ZNF407: variants seen among roughly 807,000 people sequenced by gnomAD.
ZNF407 encodes the protein zinc finger protein 407.
In ZNF407, 17 loss-of-function variants were observed where a neutral mutation model predicts 131.2. The observed-to-expected ratio is 0.13, with a 90% CI of 0.09 to 0.19. ZNF407 has a LOEUF of 0.19. Among genes scored for constraint, ZNF407 ranks in the 10% least tolerant of loss-of-function variants. The probability of loss-of-function intolerance (pLI) is 1.00; values close to 1 mark genes in which losing one functional copy is unlikely to be tolerated. For missense variants in ZNF407, 2,681 were observed against 2,830.6 expected (o/e 0.95, Z 1.20); for synonymous variants, 1,156 against 1,062.0 (o/e 1.09, Z -1.72).
At chr18:74,647,395 G>C (rs1985020388) in intron 3 of ZNF407, among the ~76,000 whole-genome samples, 1 of 152,150 alleles carries the variant, frequency 6.6e-6, no homozygotes, top group Non-Finnish European at 1.5e-5. Context: ...AGTGAGCTAT[G>C]ATGGTGCCAC....
chr18:74,712,094 A>G (rs1388937510), intron 3 of ZNF407, among the ~76,000 whole-genome samples: 5 of 152,096 alleles, frequency 3.3e-5, no homozygotes, highest in African/African-American at 9.7e-5. Flanking sequence ...CGTGTGTCAT[A>G]TATGTGTCTG....
At chr18:74,608,667 T>C (rs1009588553) in intron 1 of ZNF407, among the ~76,000 whole-genome samples, 1 of 152,168 alleles carries the variant, frequency 6.6e-6, no homozygotes, top group African/African-American at 2.4e-5. Context: ...GATTGCTTTG[T>C]CTTTCATGAC....
chr18:74,600,853 T>G (rs984082183), intron 1 of ZNF407, among the ~76,000 whole-genome samples: 3 of 152,198 alleles, frequency 2.0e-5, no homozygotes, highest in Non-Finnish European at 2.9e-5. Context: ...TGAAGAAATG[T>G]AGGCAGCATA....
Position 74,771,965 on chromosome 18 carries a change from C to A in ZNF407, c.4803-9463C>A, listed in dbSNP as rs377346158. Among the ~76,000 whole-genome samples the A allele has an allele frequency of 1.0e-3, 155 of 152,218 alleles. 5 individuals are homozygous for A. The South Asian group carries it at 0.031, about 30-fold the overall frequency. ...GTAATGTAGTGGTTTTATTTTTGAA[C>A]AGTTTTATTTCAGTAGTAGTTTCAT... On this transcript the variant is annotated intron_variant, in intron 3 of 8. Coordinates refer to ENST00000299687, the MANE Select transcript of ZNF407 (RefSeq NM_017757.3).
chr18:74,884,321 A>G (rs1250567291), intron 6 of ZNF407, among the ~76,000 whole-genome samples: 4 of 152,228 alleles, frequency 2.6e-5, no homozygotes, highest in African/African-American at 9.6e-5. Context: ...ATTTTCCTGA[A>G]GAAATTACCC....
intron 3 of ZNF407, among the ~76,000 whole-genome samples, chr18:74,701,796 A>G (rs1225326581): frequency 1.3e-5 from 2 of 151,896 alleles, no homozygotes; most frequent in African/African-American, 4.8e-5. Context: ...TCGCCCTGTC[A>G]CCCCTTCCCC....
chr18:74,678,511 G>GA (rs1966905718), intron 3 of ZNF407, among the ~76,000 whole-genome samples: 1 of 152,116 alleles, frequency 6.6e-6, no homozygotes, highest in Non-Finnish European at 1.5e-5. Flanking sequence ...TGTCCTCTCT[G>GA]AAGTGGCAGA....
intron 8 of ZNF407, among the ~76,000 whole-genome samples, chr18:75,034,932 T>C (rs141847379): frequency 1.3e-5 from 2 of 152,332 alleles, no homozygotes; most frequent in East Asian, 3.9e-4. Context: ...GTAAACAGTT[T>C]GTGCTGCCAT....
intron 8 of ZNF407, among the ~76,000 whole-genome samples, chr18:75,025,577 C>T (rs1973161490): frequency 6.6e-6 from 1 of 152,148 alleles, no homozygotes; most frequent in Non-Finnish European, 1.5e-5. Flanking sequence ...GTTTCCTTTC[C>T]CTTCCCACCT....
intron 5 of ZNF407, among the ~76,000 whole-genome samples, chr18:74,877,901 A>T (rs750067403): frequency 2.0e-5 from 3 of 152,252 alleles, no homozygotes; most frequent in Admixed American, 1.3e-4. Context: ...GATAATTGAT[A>T]CAAAGACACT....
intron 3 of ZNF407, among the ~76,000 whole-genome samples, chr18:74,733,577 AT>A (rs1198250386): frequency 6.6e-6 from 1 of 152,160 alleles, no homozygotes; most frequent in East Asian, 1.9e-4. Flanking sequence ...GAATCTTGTG[AT>A]TTCTAGTCAA....
Position 75,064,762 on chromosome 18 carries a change from C to T in ZNF407, c.*294C>T, listed in dbSNP as rs775757481. The T allele has an allele frequency of 2.4e-5, 8 of 327,404 alleles. No homozygotes were observed. The highest frequency in any genetic ancestry group is 1.1e-4 in the South Asian group (1 of 9,150). The allele number at this position is 327,404 out of a possible 1,614,324, so 20.3% of individuals were successfully genotyped here. On this transcript the variant is annotated 3_prime_UTR_variant, in exon 9 of 9. Transcript: ENST00000299687. ...CCCTTCGATCAGTGGCCTCCCGCTT[C>T]GTCCTGGCCGCTGTGCTGAAGAGAA...
At chr18:74,600,570 G>A (rs1393157537) in intron 1 of ZNF407, among the ~76,000 whole-genome samples, 1 of 152,186 alleles carries the variant, frequency 6.6e-6, no homozygotes, top group South Asian at 2.1e-4. Context: ...TGGGCTGTGG[G>A]TAGCCCTAAA....
chr18:74,744,761 C>G (rs1474212207), intron 3 of ZNF407, among the ~76,000 whole-genome samples: 5 of 85,418 alleles, frequency 5.9e-5, no homozygotes, highest in African/African-American at 1.8e-4. Flanking sequence ...AGCTCAAAAA[C>G]AAACCACACT....
chr18:74,845,684 A>C (rs915847895), intron 4 of ZNF407, among the ~76,000 whole-genome samples: 1 of 152,248 alleles, frequency 6.6e-6, no homozygotes, highest in African/African-American at 2.4e-5. Context: ...AAAATATACA[A>C]TGAAGTTTTG....
chr18:74,990,898 A>C (rs1186910624), intron 8 of ZNF407, among the ~76,000 whole-genome samples: 1 of 152,188 alleles, frequency 6.6e-6, no homozygotes, highest in Admixed American at 6.5e-5. Flanking sequence ...AAGTGCTGAT[A>C]TGTCCTCCCT....
intron 3 of ZNF407, among the ~76,000 whole-genome samples, chr18:74,653,052 G>T (rs1029970942): frequency 1.1e-4 from 17 of 151,948 alleles, no homozygotes; most frequent in African/African-American, 4.1e-4. Context: ...CACACCCTAT[G>T]TTCTGTATTT....
At chr18:74,952,357 T>C (rs1232518980) in intron 8 of ZNF407, among the ~76,000 whole-genome samples, 1 of 152,200 alleles carries the variant, frequency 6.6e-6, no homozygotes, top group African/African-American at 2.4e-5. Context: ...GGTGCTGCGC[T>C]GTCATGCTCA....
At chr18:74,645,789 G>T (rs369504665) in intron 3 of ZNF407, among the ~76,000 whole-genome samples, 1 of 152,030 alleles carries the variant, frequency 6.6e-6, no homozygotes, top group Non-Finnish European at 1.5e-5. Context: ...ACGTGTCAGA[G>T]AATGTCTGTA....
Sources: allele counts gnomAD v4.1 joint callset (sites outside exome capture counted in the v4.1 genomes callset), GRCh38; gene constraint gnomAD v4.1.1; transcripts MANE v1.5; gene names NCBI Gene and HGNC (gene_info 2026-07-23, HGNC 2026-07-21).